TIAM1: variants seen among roughly 807,000 people sequenced by gnomAD.
TIAM1 encodes the protein rho guanine nucleotide exchange factor TIAM1.
Under a neutral mutation model 163.5 loss-of-function variants are expected in TIAM1, and 65 were observed. The observed-to-expected ratio is 0.40, with a 90% CI of 0.33 to 0.49. The LOEUF is 0.49. Among genes scored for constraint, TIAM1 ranks in the 20% least tolerant of loss-of-function variants. The pLI, the probability that TIAM1 is intolerant of heterozygous loss-of-function variation, is 0.77. For synonymous variants in TIAM1, 833 were observed against 810.1 expected (o/e 1.03, Z -0.48); for missense variants, 1,789 against 2,044.7 (o/e 0.87, Z 2.41).
chr21:31,284,270 A>G (rs1180176613), intron 2 of TIAM1, among the ~76,000 whole-genome samples: 2 of 152,184 alleles, frequency 1.3e-5, no homozygotes, highest in African/African-American at 2.4e-5. Context: ...CCTCAAGAAC[A>G]TATCAACACC....
intron 1 of TIAM1, among the ~76,000 whole-genome samples, chr21:31,547,014 A>G (rs1601059519): frequency 6.6e-6 from 1 of 152,076 alleles, no homozygotes; most frequent in East Asian, 1.9e-4. Flanking sequence ...ATTCCAGCTT[A>G]CTAGTTGCTA....
At chr21:31,124,050 C>T (rs990631333) in intron 27 of TIAM1, 1 of 153,162 alleles carries the variant, frequency 6.5e-6, no homozygotes, top group Non-Finnish European at 1.5e-5. Flanking sequence ...AGAATCCTTA[C>T]TACTGAGAGC....
intron 15 of TIAM1, among the ~76,000 whole-genome samples, chr21:31,171,993 C>G (rs2084533805): frequency 6.6e-6 from 1 of 152,220 alleles, no homozygotes; most frequent in Non-Finnish European, 1.5e-5. Flanking sequence ...GTTAGCAGAA[C>G]AACCAACCAG....
intron 2 of TIAM1, among the ~76,000 whole-genome samples, chr21:31,375,582 T>A (rs1290475331): frequency 6.6e-6 from 1 of 152,212 alleles, no homozygotes; most frequent in African/African-American, 2.4e-5. Flanking sequence ...CATATGAAGA[T>A]GTATGTTCTT....
At chr21:31,358,455 G>C (rs2076351416) in intron 2 of TIAM1, among the ~76,000 whole-genome samples, 1 of 152,108 alleles carries the variant, frequency 6.6e-6, no homozygotes, top group Admixed American at 6.6e-5. Flanking sequence ...TCTAGCCAGT[G>C]CTTTTTCCCC....
At chr21:31,175,131 C>T (rs1345402695) in intron 15 of TIAM1, among the ~76,000 whole-genome samples, 1 of 152,072 alleles carries the variant, frequency 6.6e-6, no homozygotes, top group African/African-American at 2.4e-5. Flanking sequence ...TTAGTAGAGA[C>T]AAGGTCTCAC....
At chr21:31,514,015 T>A (rs1602463154) in intron 1 of TIAM1, among the ~76,000 whole-genome samples, 1 of 151,718 alleles carries the variant, frequency 6.6e-6, no homozygotes, top group East Asian at 1.9e-4. Context: ...CTCAAAAAAA[T>A]AATAATAATA....
At chr21:31,272,006 T>C (rs748149248) in intron 3 of TIAM1, among the ~76,000 whole-genome samples, 22 of 152,168 alleles carry the variant, frequency 1.4e-4, no homozygotes, top group Non-Finnish European at 3.1e-4. Flanking sequence ...TGGGGTCATG[T>C]CCTCATAAAC....
Position 31,193,034 on chromosome 21 carries a change from T to C in TIAM1, c.2575+2190A>G, listed in dbSNP as rs927348657. ...CACTCCTGACTGATACAGCACAGCA[T>C]GGATTTTCCTCACTTAATTTACTCA... On this transcript the variant is annotated intron_variant, in intron 13 of 27. Coordinates refer to ENST00000541036, the MANE Select transcript of TIAM1 (RefSeq NM_001353694.2). 4.2e-4 allele frequency among the ~76,000 whole-genome samples: 64 copies of C among 152,206 alleles called. 1 individual carries two copies. Among genetic ancestry groups the C allele is most frequent in the Non-Finnish European group, 1.0e-4 (7 of 68,038 alleles).
At chr21:31,155,705 C>T (rs1007949795) in intron 16 of TIAM1, among the ~76,000 whole-genome samples, 1 of 152,110 alleles carries the variant, frequency 6.6e-6, no homozygotes, top group Non-Finnish European at 1.5e-5. Flanking sequence ...GGGATTTCAA[C>T]ATGTTGGCCA....
At chr21:31,442,085 A>G (rs909606368) in intron 2 of TIAM1, among the ~76,000 whole-genome samples, 1 of 126,494 alleles carries the variant, frequency 7.9e-6, no homozygotes, top group Non-Finnish European at 1.7e-5. Flanking sequence ...ATATATATAT[A>G]TAGAACAATA....
intron 1 of TIAM1, among the ~76,000 whole-genome samples, chr21:31,341,498 T>G (rs1443080802): frequency 6.6e-6 from 1 of 152,190 alleles, no homozygotes; most frequent in Non-Finnish European, 1.5e-5. Context: ...TCGTACAAGG[T>G]AAATCTGTAT....
intron 1 of TIAM1, among the ~76,000 whole-genome samples, chr21:31,553,052 A>C (rs1297252786): frequency 6.6e-6 from 1 of 152,250 alleles, no homozygotes; most frequent in Non-Finnish European, 1.5e-5. Flanking sequence ...ACAAAGCAGA[A>C]TCTGCCATCA....
At chr21:31,137,833 T>C (rs915231283) in intron 22 of TIAM1, among the ~76,000 whole-genome samples, 3 of 150,634 alleles carry the variant, frequency 2.0e-5, no homozygotes, top group African/African-American at 7.4e-5. Context: ...CCTTCAGAAC[T>C]GGAGCTAACC....
chr21:31,468,430 C>A (rs1159914407), intron 1 of TIAM1, among the ~76,000 whole-genome samples: 1 of 150,584 alleles, frequency 6.6e-6, no homozygotes, highest in South Asian at 2.1e-4. Context: ...TTTCAGTGAG[C>A]GAAGATCACA....
chr21:31,129,350 A>G (rs2082323661), intron 25 of TIAM1, among the ~76,000 whole-genome samples: 1 of 152,200 alleles, frequency 6.6e-6, no homozygotes, highest in Non-Finnish European at 1.5e-5. Context: ...CTACCCAACA[A>G]CTCACTTCAC....
At chr21:31,126,841 G>A (rs1236345046) in intron 26 of TIAM1, among the ~76,000 whole-genome samples, 1 of 152,098 alleles carries the variant, frequency 6.6e-6, no homozygotes, top group Non-Finnish European at 1.5e-5. Flanking sequence ...AAGACGTGCA[G>A]GTGATCAACA....
intron 1 of TIAM1, among the ~76,000 whole-genome samples, chr21:31,464,889 A>G (rs1319269126): frequency 6.6e-6 from 1 of 150,442 alleles, no homozygotes; most frequent in East Asian, 2.0e-4. Flanking sequence ...TCACACCTGT[A>G]ATCCCAGCAC....
chr21:31,374,877 G>A (rs2076657906), intron 2 of TIAM1, among the ~76,000 whole-genome samples: 1 of 152,164 alleles, frequency 6.6e-6, no homozygotes, highest in South Asian at 2.1e-4. Flanking sequence ...ATTTTAAACA[G>A]ATAATACCCT....
Sources: gnomAD v4.1 joint callset for allele counts (sites outside exome capture counted in the v4.1 genomes callset) on GRCh38, gnomAD v4.1.1 for gene constraint, MANE v1.5 for transcripts, NCBI Gene and HGNC (gene_info 2026-07-23, HGNC 2026-07-21) for gene names.